Variants in SCYL2 observed in about 807,000 individuals in gnomAD.
SCYL2 encodes SCY1-like protein 2.
A neutral mutation model predicts 100.4 loss-of-function variants in SCYL2; 36 were observed. That is an observed-to-expected ratio of 0.36 (90% CI 0.27 to 0.47). The LOEUF (loss-of-function observed/expected upper bound fraction) is 0.47. SCYL2 is among the 20% of genes least tolerant of loss of function. The pLI, the probability that SCYL2 is intolerant of heterozygous loss-of-function variation, is 1.00. For synonymous variants in SCYL2, 330 were observed against 359.2 expected, an observed-to-expected ratio of 0.92 and a Z score of 0.92; for missense variants, 902 against 1,083.9, an observed-to-expected ratio of 0.83 and a Z score of 2.36.
rs369723444 is a variant in SCYL2 at position 100,315,772 on chromosome 12, A to AT, written c.1272+41dup. On this transcript the variant is annotated intron_variant, in intron 9 of 17. Transcript: ENST00000360820. ...TATTTTTGTGTATTTATCTACTGTT[A>AT]TTTATGATTGTGACTATCACTGAAA... is the stretch of plus-strand genomic sequence containing the variant. 1,354 of 1,327,654 alleles carry AT rather than the reference A, an allele frequency of 1.0e-3. 15 individuals are homozygous for AT. The African/African-American group carries it at 0.017, about 16-fold the overall frequency. The allele number at this position is 1,327,654 out of a possible 1,614,324, so 82.2% of individuals were successfully genotyped here.
intron 5 of SCYL2, 40 bp from the exon 6 acceptor site, chr12:100,312,392 G>C: frequency 7.2e-7 from 1 of 1,392,940 alleles, no homozygotes; most frequent in Non-Finnish European, 1.0e-6. Context: ...TTGTTTGGTT[G>C]AATTTGAAGT....
At chr12:100,324,781 A>G (rs959743053) in intron 11 of SCYL2, among the ~76,000 whole-genome samples, 1 of 152,216 alleles carries the variant, frequency 6.6e-6, no homozygotes, top group African/African-American at 2.4e-5. Context: ...TGTTTTCTCT[A>G]AAATTCTCAA....
chr12:100,329,310 TC>T lies in SCYL2; in HGVS notation c.1753del (p.Asn586IlefsTer10). ...CCCTGAGTATTGAAAACAATCTTAA[TC>T]TTAATCAGGTAGGAGTATTTTTGTG... ...IPLSIENNLNLNQFNSFISVI... is the reference protein window; with the variant it reads ...IPLSIENNLNXNQFNSFISVI... On this transcript the variant is annotated frameshift_variant, in exon 13 of 18. Transcript: ENST00000360820. LOFTEE classifies it high-confidence loss of function. 6.6e-7 allele frequency: 1 copy of T among 1,509,258 alleles called. No individual in the cohort carries two copies. The highest frequency in any genetic ancestry group is 9.2e-7 in the Non-Finnish European group (1 of 1,085,414). The allele number at this position is 1,509,258 out of a possible 1,614,324, so 93.5% of individuals were successfully genotyped here. A position where few individuals can be genotyped will look rare whatever the true frequency, so the allele number is the denominator to read the frequency against.
At chr12:100,313,737 T>G (rs1283034490) in intron 7 of SCYL2, among the ~76,000 whole-genome samples, 199 bp downstream of exon 7, 1 of 152,238 alleles carries the variant, frequency 6.6e-6, no homozygotes, top group Non-Finnish European at 1.5e-5. Flanking sequence ...TGCTTAATCT[T>G]ACACAGCTAA....
chr12:100,329,596 T>C (rs576219388), intron 13 of SCYL2, among the ~76,000 whole-genome samples: 3 of 152,300 alleles, frequency 2.0e-5, no homozygotes, highest in African/African-American at 7.2e-5. Context: ...AGTTATAGAA[T>C]GTGTTTGGGG....
Position 100,338,532 on chromosome 12 carries a change from AG to A in SCYL2, c.2152del (p.Asp718ThrfsTer2), listed in dbSNP as rs1480536990. 1 of 1,585,374 alleles carries A rather than the reference AG, an allele frequency of 6.3e-7. No homozygotes were observed. The highest frequency in any genetic ancestry group is 1.4e-5 in the African/African-American group (1 of 73,512). On this transcript the variant is annotated frameshift_variant, in exon 18 of 18. Coordinates refer to ENST00000360820, the MANE Select transcript of SCYL2 (RefSeq NM_017988.6). LOFTEE classifies it high-confidence loss of function. ...TAATTCTCTCATATTTTTCAGACTA[AG>A]GACTTGACAGACACACTGATGGATA... ...HTPVATVKQT[K>X]DLTDTLMDNM... is the part of the protein sequence containing the mutation.
Position 100,326,725 on chromosome 12 carries a change from A to G in SCYL2, c.1613A>G (p.Lys538Arg). ...CCCTTCTTACAACAAATTCCATCCAAGGAACCTGCGGTCCTCATGGGAATT... is the reference window on the plus strand; with the variant it reads ...CCCTTCTTACAACAAATTCCATCCAGGGAACCTGCGGTCCTCATGGGAATT... ...ILPFLQQIPS[K>R]EPAVLMGILG... Residue 538 changes from lysine (K) to arginine (R), a missense_variant, in exon 12 of 18, where the codon AAG (lysine) becomes AGG (arginine). Transcript: ENST00000360820. The G allele has an allele frequency of 6.2e-7, 1 of 1,611,570 alleles. No homozygotes were observed. Among genetic ancestry groups the G allele is most frequent in the Admixed American group, 1.7e-5 (1 of 59,584 alleles).
Position 100,317,811 on chromosome 12 carries a change from A to G in SCYL2, c.1281A>G (p.Leu427=), listed in dbSNP as rs143625787. Residue 427 remains leucine, a synonymous_variant, in exon 10 of 18, where the codon TTA becomes TTG. Transcript: ENST00000360820. The part of the protein sequence containing the change: ...FKQQEPIQIL[L]IFLQKMDLLL... ...TTCCGTTTTCTAAACAGATTTTGTT[A>G]ATTTTCCTACAAAAAATGGATTTGC... is the stretch of plus-strand genomic sequence containing the variant. The G allele has an allele frequency of 1.2e-3, 1,981 of 1,597,222 alleles. 15 individuals carry two copies. In the African/African-American group the frequency reaches 0.014, roughly 11 times the overall value.
chr12:100,278,021 CCTGTT>C (rs1415648358), intron 1 of SCYL2, among the ~76,000 whole-genome samples: 1 of 152,074 alleles, frequency 6.6e-6, no homozygotes, highest in Non-Finnish European at 1.5e-5. Context: ...TATTTCCCCT[CCTGTT>C]CTTTCTTGTT....
intron 3 of SCYL2, among the ~76,000 whole-genome samples, chr12:100,292,976 C>G (rs1200866077): frequency 6.6e-6 from 1 of 152,112 alleles, no homozygotes; most frequent in Non-Finnish European, 1.5e-5. Flanking sequence ...CTACCATGCC[C>G]AGCTAATTTT....
In SCYL2 at chr12:100,326,634, T is replaced by G; in HGVS notation, c.1522T>G (p.Ser508Ala). ...CCTCTTTTAATAGGTTCGTGTAAAT[T>G]CATTAGTGTGCTTAGGAAAGATTTT... is the stretch of plus-strand genomic sequence containing the variant. ...QTSSLAVRVNSLVCLGKILEY... is the reference protein window; with the variant it reads ...QTSSLAVRVNALVCLGKILEY... The change falls in exon 12 of 18, where the codon TCA becomes GCA. Residue 508 changes from serine to alanine, a missense_variant. By Grantham distance (99) the Ser-to-Ala change is moderately conservative. Coordinates refer to ENST00000360820, the MANE Select transcript of SCYL2 (RefSeq NM_017988.6). 2 of 1,596,768 alleles carry G rather than the reference T, an allele frequency of 1.3e-6. No individual in the cohort carries two copies. Among genetic ancestry groups the G allele is most frequent in the Non-Finnish European group, 1.7e-6 (2 of 1,174,604 alleles).
rs1173266963 is a variant in SCYL2 at position 100,294,535 on chromosome 12, ACCTC to A, written c.335+2882_335+2885del. ...CTGACTCCCCCAGGCTGACTCCCCC[ACCTC>A]CCTCCCAGACCGGGCGGCTGGCCGG... On this transcript the variant is annotated intron_variant, in intron 3 of 17. Transcript: ENST00000360820. Among the ~76,000 whole-genome samples, 13 of 109,272 alleles carry A rather than the reference ACCTC, an allele frequency of 1.2e-4. No individual in the cohort carries two copies. In the East Asian group the frequency reaches 3.5e-3, roughly 29 times the overall value. 71.7% of individuals were successfully genotyped at this position (109,272 alleles called of 152,430 possible).
At position 100,339,444 on chromosome 12, in the gene SCYL2, G is replaced by T; in HGVS notation, c.*272G>T. On this transcript the variant is annotated 3_prime_UTR_variant, in exon 18 of 18. Coordinates refer to ENST00000360820, the MANE Select transcript of SCYL2 (RefSeq NM_017988.6). ...CAATCTCAAAGAGAAAAAGGAAACT[G>T]AGTTATCTTGAATAACATAACTTTT... The T allele has an allele frequency of 5.1e-6, 2 of 391,210 alleles. No homozygotes were observed. Among genetic ancestry groups the T allele is most frequent in the Non-Finnish European group, 9.2e-6 (2 of 218,004 alleles). 24.2% of individuals were successfully genotyped at this position (391,210 alleles called of 1,614,324 possible).
At chr12:100,332,201 T>G (rs1019497402) in intron 13 of SCYL2, among the ~76,000 whole-genome samples, 2 of 152,192 alleles carry the variant, frequency 1.3e-5, no homozygotes, top group African/African-American at 2.4e-5. Context: ...CCAGGGAAAC[T>G]TATTAGAGAC....
At chr12:100,294,078 G>A (rs1348639451) in intron 3 of SCYL2, among the ~76,000 whole-genome samples, 1 of 150,516 alleles carries the variant, frequency 6.6e-6, no homozygotes, top group Non-Finnish European at 1.5e-5. Flanking sequence ...CCGGGCAGAG[G>A]GGCTCCTCAC....
chr12:100,320,218 T>C (rs2096354051), intron 10 of SCYL2, among the ~76,000 whole-genome samples: 1 of 152,106 alleles, frequency 6.6e-6, no homozygotes, highest in South Asian at 2.1e-4. Flanking sequence ...TCTCCTGTTA[T>C]TAAAATAGTT....
chr12:100,325,190 C>G (rs1398563211), intron 11 of SCYL2, among the ~76,000 whole-genome samples: 1 of 152,184 alleles, frequency 6.6e-6, no homozygotes, highest in South Asian at 2.1e-4. Flanking sequence ...AGCAAGCCCC[C>G]GCCGCTCCCC....
At position 100,282,931 on chromosome 12, in the gene SCYL2, C is replaced by G. The variant is rs752969542; in HGVS notation, c.-28-12C>G. The G allele has an allele frequency of 7.5e-7, 1 of 1,332,696 alleles. No individual in the cohort carries two copies. Among genetic ancestry groups the G allele is most frequent in the Non-Finnish European group, 1.0e-6 (1 of 958,070 alleles). 82.6% of individuals were successfully genotyped at this position (1,332,696 alleles called of 1,614,324 possible). ...AAATGATCAGTTCTCCACTATCCTTCTGTTTTTCTAGGTAACTATAACTAC... is the reference window on the plus strand; with the variant it reads ...AAATGATCAGTTCTCCACTATCCTTGTGTTTTTCTAGGTAACTATAACTAC... On this transcript the variant is annotated splice_polypyrimidine_tract_variant and intron_variant, in intron 1 of 17. Transcript: ENST00000360820.
chr12:100,281,561 CT>C (rs1321243321), intron 1 of SCYL2, among the ~76,000 whole-genome samples: 2 of 152,016 alleles, frequency 1.3e-5, no homozygotes, highest in African/African-American at 4.8e-5. Flanking sequence ...AGGCTGGGCG[CT>C]TTGGCTCACG....
Sources: gnomAD v4.1 joint callset for allele counts (sites outside exome capture counted in the v4.1 genomes callset) on GRCh38, gnomAD v4.1.1 for gene constraint, MANE v1.5 for transcripts, NCBI Gene and HGNC (gene_info 2026-07-23, HGNC 2026-07-21) for gene names.